The following DENND1A variants were observed in gnomAD, a reference collection of about 807,000 sequenced individuals.
DENND1A encodes the protein DENN domain-containing protein 1A.
DENND1A carries 51 observed loss-of-function variants against 113.7 expected under a neutral mutation model. The ratio of observed to expected loss-of-function variants is 0.45; its 90% CI spans 0.36 to 0.57. DENND1A has a LOEUF of 0.57. Ranked by LOEUF, DENND1A falls within the 20% of genes least tolerant of loss-of-function variation. DENND1A has a pLI of 0.00. For missense variants in DENND1A, 1,258 were observed against 1,395.9 expected, an observed-to-expected ratio of 0.90 and a Z score of 1.57; for synonymous variants, 565 against 570.8, an observed-to-expected ratio of 0.99 and a Z score of 0.14.
chr9:123,788,118 T>C (rs1357218729), intron 3 of DENND1A, among the ~76,000 whole-genome samples: 1 of 152,136 alleles, frequency 6.6e-6, no homozygotes, highest in Non-Finnish European at 1.5e-5. Context: ...ATTGCCACTC[T>C]TAGAAAAAAC....
At chr9:123,574,823 T>C (rs780635915) in intron 12 of DENND1A, among the ~76,000 whole-genome samples, 17 of 152,258 alleles carry the variant, frequency 1.1e-4, no homozygotes, top group Non-Finnish European at 1.8e-4. Context: ...CAAGCTTGCA[T>C]ATCTTAGATT....
chr9:123,406,600 G>C (rs1342722950), intron 20 of DENND1A, among the ~76,000 whole-genome samples: 1 of 152,262 alleles, frequency 6.6e-6, no homozygotes, highest in African/African-American at 2.4e-5. Flanking sequence ...TAATGACGCT[G>C]CGAGTATCAT....
chr9:123,848,712 G>A (rs1300315163), intron 2 of DENND1A, among the ~76,000 whole-genome samples: 1 of 152,158 alleles, frequency 6.6e-6, no homozygotes, highest in Non-Finnish European at 1.5e-5. Flanking sequence ...TAGTCTTCTT[G>A]TACCAAACAG....
intron 3 of DENND1A, among the ~76,000 whole-genome samples, chr9:123,783,785 C>T (rs965829736): frequency 1.8e-4 from 27 of 152,182 alleles, no homozygotes; most frequent in African/African-American, 6.0e-4. Context: ...TCACATACCT[C>T]ATGTTGTTCA....
intron 1 of DENND1A, among the ~76,000 whole-genome samples, chr9:123,886,266 T>C (rs1242601149): frequency 2.0e-5 from 3 of 152,160 alleles, no homozygotes; most frequent in Non-Finnish European, 4.4e-5. Context: ...TTTCCTCAAT[T>C]AGAATATATG....
intron 21 of DENND1A, among the ~76,000 whole-genome samples, chr9:123,389,446 A>AG (rs2042729620): frequency 1.3e-5 from 2 of 152,160 alleles, no homozygotes; most frequent in African/African-American, 2.4e-5. Context: ...GCTCTGGTCC[A>AG]GGGGGCATTT....
chr9:123,402,530 C>G, intron 21 of DENND1A: 1 of 534,828 alleles, frequency 1.9e-6, no homozygotes, highest in Non-Finnish European at 3.8e-6. Flanking sequence ...CCCTTTCCAC[C>G]CAAAGGACTT....
intron 5 of DENND1A, among the ~76,000 whole-genome samples, chr9:123,732,062 A>T (rs76445517): frequency 6.6e-6 from 1 of 152,356 alleles, no homozygotes; most frequent in East Asian, 1.9e-4. Flanking sequence ...AGTACGTGGG[A>T]CAACTGGAAC....
At chr9:123,698,957 T>C (rs1469902650) in intron 5 of DENND1A, among the ~76,000 whole-genome samples, 3 of 152,188 alleles carry the variant, frequency 2.0e-5, no homozygotes, top group Non-Finnish European at 2.9e-5. Context: ...CAAAAAACTA[T>C]AAAAAGCCTA....
chr9:123,759,539 C>G (rs147694780), intron 4 of DENND1A: 178 of 152,376 alleles, frequency 1.2e-3, no homozygotes, highest in African/African-American at 4.2e-3. Context: ...ATTCTCATGT[C>G]TCAGCCTCCT....
intron 13 of DENND1A, among the ~76,000 whole-genome samples, chr9:123,538,929 A>G (rs1482837756): frequency 6.7e-6 from 1 of 148,576 alleles, no homozygotes. Context: ...ACAATTCATT[A>G]TATTAAAAAG....
At chr9:123,469,948 T>C (rs1478648790) in intron 13 of DENND1A, among the ~76,000 whole-genome samples, 2 of 152,210 alleles carry the variant, frequency 1.3e-5, no homozygotes, top group East Asian at 1.9e-4. Flanking sequence ...ATATTATTTA[T>C]GTTTGATTAA....
In DENND1A at chr9:123,380,671, G is replaced by A. The variant is rs1243848980; in HGVS notation, c.*761C>T. On this transcript the variant is annotated 3_prime_UTR_variant, in exon 24 of 24. Coordinates refer to ENST00000394215, the MANE Select transcript of DENND1A (RefSeq NM_001352964.2). ...TATCAGCGTGCCAGAGCTGGATGAG[G>A]GCTGGGGGCTCCTCCCAAAATACTC... 2.6e-5 allele frequency: 4 copies of A among 152,480 alleles called. No individual in the cohort carries two copies. Among genetic ancestry groups the A allele is most frequent in the African/African-American group, 7.2e-5 (3 of 41,434 alleles). The allele number at this position is 152,480 out of a possible 1,614,324, so 9.4% of individuals were successfully genotyped here.
intron 13 of DENND1A, among the ~76,000 whole-genome samples, chr9:123,532,220 T>C (rs189351293): frequency 3.9e-5 from 6 of 152,336 alleles, no homozygotes; most frequent in African/African-American, 1.2e-4. Flanking sequence ...CTGACTATAT[T>C]TCCTAAAATC....
At chr9:123,473,616 C>T (rs1370569648) in intron 13 of DENND1A, among the ~76,000 whole-genome samples, 1 of 152,210 alleles carries the variant, frequency 6.6e-6, no homozygotes, top group Non-Finnish European at 1.5e-5. Context: ...TTCTTATCTG[C>T]CCTGGAACCA....
At chr9:123,533,249 G>A (rs2055474512) in intron 13 of DENND1A, among the ~76,000 whole-genome samples, 1 of 152,224 alleles carries the variant, frequency 6.6e-6, no homozygotes, top group African/African-American at 2.4e-5. Flanking sequence ...CTCAAGATAT[G>A]TTTCGGTACA....
Position 123,458,659 on chromosome 9 carries a change from T to TA in DENND1A, c.994-763dup, listed in dbSNP as rs545199619. Among the ~76,000 whole-genome samples, 35 of 152,314 alleles carry TA rather than the reference T, an allele frequency of 2.3e-4. 1 individual carries two copies. The East Asian group carries it at 6.0e-3, about 26-fold the overall frequency. On this transcript the variant is annotated intron_variant, in intron 13 of 23. Transcript: ENST00000394215. ...GGAACCCTTTATTCAGATAGGATTT[T>TA]ATGCAGAAGCAGCCCTGCTAGGCCA...
At chr9:123,611,019 G>C (rs748238966) in intron 10 of DENND1A, among the ~76,000 whole-genome samples, 18 of 152,144 alleles carry the variant, frequency 1.2e-4, no homozygotes, top group Admixed American at 1.3e-4. Context: ...CCTTACTACA[G>C]ATCTCAGCAG....
chr9:123,458,038 T>C, intron 13 of DENND1A, 141 bp from the exon 14 acceptor site: 1 of 632,038 alleles, frequency 1.6e-6, no homozygotes, highest in Non-Finnish European at 2.7e-6. Context: ...TCTCACTCTG[T>C]CACCCAGGCT....
Sources: allele counts gnomAD v4.1 joint callset (sites outside exome capture counted in the v4.1 genomes callset), GRCh38; gene constraint gnomAD v4.1.1; transcripts MANE v1.5; gene names NCBI Gene and HGNC (gene_info 2026-07-23, HGNC 2026-07-21).